SCN7A: variants seen among roughly 807,000 people sequenced by gnomAD.
SCN7A encodes sodium channel protein type 7 subunit alpha.
Under a neutral mutation model 155.2 loss-of-function variants are expected in SCN7A, and 138 were observed. The observed-to-expected ratio is 0.89, with a 90% confidence interval of 0.77 to 1.02. The LOEUF (loss-of-function observed/expected upper bound fraction) is 1.02. Among genes scored for constraint, SCN7A ranks in the 50% least tolerant of loss-of-function variants. The pLI, the probability that SCN7A is intolerant of heterozygous loss-of-function variation, is 0.00. For synonymous variants in SCN7A, 693 were observed against 649.0 expected, an observed-to-expected ratio of 1.07 and a Z score of -1.03; for missense variants, 2,058 against 1,986.6, an observed-to-expected ratio of 1.04 and a Z score of -0.68.
At chr2:166,485,538 A>T (rs1703027649) in intron 2 of SCN7A, among the ~76,000 whole-genome samples, 2 of 152,168 alleles carry the variant, frequency 1.3e-5, no homozygotes, top group Non-Finnish European at 2.9e-5. Flanking sequence ...GACACGAATC[A>T]CTGGGAATAA....
Position 166,465,457 on chromosome 2 carries a change from C to T in SCN7A, c.941+5G>A. 6.3e-7 allele frequency: 1 copy of T among 1,598,818 alleles called. No homozygotes were observed. The highest frequency in any genetic ancestry group is 8.6e-7 in the Non-Finnish European group (1 of 1,168,128). ...ATTTAATAGAATAAAACTAATACCA[C>T]CTACCCAGCATCTGTCCTGTTGCCA... On this transcript the variant is annotated splice_donor_5th_base_variant and intron_variant, in intron 9 of 25. Coordinates refer to ENST00000643258, the MANE Select transcript of SCN7A (RefSeq NM_002976.4).
chr2:166,407,956 G>C (rs983931242), intron 25 of SCN7A, among the ~76,000 whole-genome samples: 1 of 151,770 alleles, frequency 6.6e-6, no homozygotes, highest in African/African-American at 2.4e-5. Flanking sequence ...CCACTTATAA[G>C]TGAGAATATG....
chr2:166,481,156 G>A (rs999989060), intron 2 of SCN7A, among the ~76,000 whole-genome samples: 7 of 152,108 alleles, frequency 4.6e-5, no homozygotes, highest in Admixed American at 1.3e-4. Flanking sequence ...ATAAAATCAT[G>A]ATCTTTGAAC....
rs1702029547 is a variant in SCN7A at position 166,444,886 on chromosome 2, A to T, written c.1502T>A (p.Ile501Asn). ...WLKLKEFVHR[I>N]IMAPFTDLFL... ...AAGATCAGTAAATGGTGCCATTATA[A>T]TCCTATGGACAAACTCTTTCAATTT... Residue 501 changes from isoleucine (I) to asparagine (N), a missense_variant, in exon 13 of 26, where the codon ATT becomes AAT. By Grantham distance (149) the Ile-to-Asn change is moderately radical (BLOSUM62 -3). Coordinates refer to ENST00000643258, the MANE Select transcript of SCN7A (RefSeq NM_002976.4). 8 of 1,612,910 alleles carry T rather than the reference A, an allele frequency of 5.0e-6. No individual in the cohort carries two copies. Among genetic ancestry groups the T allele is most frequent in the Non-Finnish European group, 6.8e-6 (8 of 1,179,058 alleles).
At chr2:166,462,088 CAAAAAAA>C (rs71031248) in intron 10 of SCN7A, 6 of 68,246 alleles carry the variant, frequency 8.8e-5, no homozygotes, top group Non-Finnish European at 1.3e-4. Context: ...GACTCCGTCT[CAAAAAAA>C]AAAAAAAAAA....
At chr2:166,418,661 A>T (rs1279930704) in intron 20 of SCN7A, among the ~76,000 whole-genome samples, 1 of 152,018 alleles carries the variant, frequency 6.6e-6, no homozygotes, top group African/African-American at 2.4e-5. Context: ...CTAAAACTAG[A>T]TCACAGATCT....
intron 12 of SCN7A, among the ~76,000 whole-genome samples, chr2:166,446,180 A>G (rs1433522637): frequency 1.3e-5 from 2 of 148,524 alleles, no homozygotes; most frequent in African/African-American, 4.9e-5. Flanking sequence ...TAAATTTAGA[A>G]GAAAAAACCC....
At chr2:166,481,774 T>C (rs1702933025) in intron 2 of SCN7A, among the ~76,000 whole-genome samples, 1 of 152,132 alleles carries the variant, frequency 6.6e-6, no homozygotes, top group African/African-American at 2.4e-5. Flanking sequence ...GGAGAATGTA[T>C]AGTTGAGGTG....
chr2:166,481,435 A>G (rs1189096182), intron 2 of SCN7A, among the ~76,000 whole-genome samples: 1 of 152,206 alleles, frequency 6.6e-6, no homozygotes. Flanking sequence ...ATATAATAGA[A>G]ATACTTGTAA....
At chr2:166,429,986 T>C (rs528302031) in intron 16 of SCN7A, among the ~76,000 whole-genome samples, 83 of 152,242 alleles carry the variant, frequency 5.5e-4, no homozygotes, top group Admixed American at 5.2e-3. Context: ...TTTCTCACAA[T>C]ACTTTATTTT....
At position 166,424,549 on chromosome 2, in the gene SCN7A, A is replaced by G. The variant is rs536172357; in HGVS notation, c.2854-1117T>C. Among the ~76,000 whole-genome samples, 24 of 152,260 alleles carry G rather than the reference A, an allele frequency of 1.6e-4. No homozygotes were observed. In the South Asian group the frequency reaches 2.3e-3, roughly 14 times the overall value. Reference sequence around the variant, plus strand: ...TTCTAATAAAAATAAAGCTAGTAACAAATTAGGCAAGATACGTAACTTAGG... The same window carrying G: ...TTCTAATAAAAATAAAGCTAGTAACGAATTAGGCAAGATACGTAACTTAGG... On this transcript the variant is annotated intron_variant, in intron 18 of 25. Coordinates refer to ENST00000643258, the MANE Select transcript of SCN7A (RefSeq NM_002976.4).
chr2:166,477,854 C>A, intron 2 of SCN7A, 144 bp from the exon 3 acceptor site: 1 of 493,912 alleles, frequency 2.0e-6, no homozygotes, highest in Non-Finnish European at 3.4e-6. Context: ...CTAAGTTGTC[C>A]TGAGTTTTAT....
intron 15 of SCN7A, among the ~76,000 whole-genome samples, chr2:166,438,074 G>A (rs1463202501): frequency 6.6e-6 from 1 of 152,092 alleles, no homozygotes; most frequent in African/African-American, 2.4e-5. Context: ...GAATGATATT[G>A]CTTGGCTGTG....
intron 1 of SCN7A, among the ~76,000 whole-genome samples, chr2:166,493,151 C>T (rs1055291776): frequency 6.6e-6 from 1 of 152,182 alleles, no homozygotes; most frequent in Non-Finnish European, 1.5e-5. Flanking sequence ...AAATTGCTCT[C>T]CTGAATGAAC....
At chr2:166,423,199 A>C in intron 19 of SCN7A, 60 bp downstream of exon 19, 1 of 1,509,870 alleles carries the variant, frequency 6.6e-7, no homozygotes, top group South Asian at 1.2e-5. Flanking sequence ...GAAGTGAAAG[A>C]GTAAGAGTGA....
chr2:166,437,383 T>A (rs745596917), intron 15 of SCN7A, among the ~76,000 whole-genome samples: 2 of 152,114 alleles, frequency 1.3e-5, no homozygotes, highest in Non-Finnish European at 2.9e-5. Context: ...AGAGGATGTA[T>A]GGAAATGCCT....
chr2:166,407,469 G>C (rs1013818712), intron 25 of SCN7A, among the ~76,000 whole-genome samples: 4 of 151,966 alleles, frequency 2.6e-5, no homozygotes, highest in Non-Finnish European at 5.9e-5. Context: ...TAGGTTTGTT[G>C]AATCTGGAGG....
In SCN7A at chr2:166,475,121, CAT is replaced by C. The variant is rs1553520554; in HGVS notation, c.235-779_235-778del. Among the ~76,000 whole-genome samples the C allele has an allele frequency of 3.4e-3, 344 of 102,138 alleles. No homozygotes were observed. In the Middle Eastern group the frequency reaches 0.043, roughly 13 times the overall value. The allele number at this position is 102,138 out of a possible 152,430, so 67.0% of individuals were successfully genotyped here. A position where few individuals can be genotyped will look rare whatever the true frequency, so the allele number is the denominator to read the frequency against. ...ATATATATGTATATATATATATATA[CAT>C]ATATATATATATATACACACACACA... is the stretch of plus-strand genomic sequence containing the variant. On this transcript the variant is annotated intron_variant, in intron 3 of 25. Transcript: ENST00000643258.
intron 18 of SCN7A, among the ~76,000 whole-genome samples, chr2:166,426,828 A>G (rs1236045015): frequency 6.6e-6 from 1 of 152,022 alleles, no homozygotes; most frequent in Admixed American, 6.6e-5. Context: ...CTGCACACCC[A>G]TGGAGAGTTT....
Sources: allele counts gnomAD v4.1 joint callset (sites outside exome capture counted in the v4.1 genomes callset), GRCh38; gene constraint gnomAD v4.1.1; transcripts MANE v1.5; gene names NCBI Gene and HGNC (gene_info 2026-07-23, HGNC 2026-07-21).